The following CLIC2 variants were observed in gnomAD, a reference collection of about 807,000 sequenced individuals.
CLIC2 encodes the protein CLIC family member 2.
In CLIC2, 9 loss-of-function variants were observed where a neutral mutation model predicts 14.8. That is an observed-to-expected ratio of 0.61 (90% confidence interval 0.37 to 1.06). The LOEUF is 1.06. Among genes scored for constraint, CLIC2 ranks in the 50% least tolerant of loss-of-function variants. The probability of loss-of-function intolerance (pLI) is 0.01; values close to 1 mark genes in which losing one functional copy is unlikely to be tolerated. For synonymous variants in CLIC2, 61 were observed against 66.3 expected (o/e 0.92, Z 0.39); for missense variants, 148 against 181.4 (o/e 0.82, Z 1.06).
At chrX:155,318,700 C>A (rs2075103199) in intron 1 of CLIC2, among the ~76,000 whole-genome samples, 1 of 111,767 alleles carries the variant, frequency 8.9e-6, no homozygotes, top group African/African-American at 3.3e-5. Context: ...CTTCACGGAA[C>A]TAGAAAAACA....
chrX:155,303,211 G>A (rs1240144048), intron 1 of CLIC2, among the ~76,000 whole-genome samples: 2 of 67,294 alleles, frequency 3.0e-5, no homozygotes, highest in Admixed American at 1.9e-4. Flanking sequence ...ATGTGTGGGA[G>A]TCTAAGTCTC....
At chrX:155,324,160 T>C (rs1004996173) in intron 1 of CLIC2, among the ~76,000 whole-genome samples, 5 of 112,572 alleles carry the variant, frequency 4.4e-5, no homozygotes, top group African/African-American at 1.6e-4. Flanking sequence ...CTTCACAGAA[T>C]TGGAATATGT....
At chrX:155,312,589 G>C (rs2075078189) in intron 1 of CLIC2, among the ~76,000 whole-genome samples, 2 of 111,555 alleles carry the variant, frequency 1.8e-5, no homozygotes, top group African/African-American at 6.5e-5. Flanking sequence ...AGTTTTGAGT[G>C]AGGTAAGGTG....
rs782138263 is a variant in CLIC2, at chrX:155,320,864, C to T, written c.57+13507G>A. Among the ~76,000 whole-genome samples the T allele has an allele frequency of 3.5e-4, 39 of 111,560 alleles. No homozygotes were observed. In the South Asian group the frequency reaches 0.014, roughly 40 times the overall value. On this transcript the variant is annotated intron_variant, in intron 1 of 5. Transcript: ENST00000369449. ...CTAGAAAAACCAGTATAGAGAAGAA[C>T]ATAAGTGACCTAATGGAGCAGAAAA...
At chrX:155,311,265 A>C (rs1309311849) in intron 1 of CLIC2, among the ~76,000 whole-genome samples, 3 of 112,063 alleles carry the variant, frequency 2.7e-5, no homozygotes, top group Non-Finnish European at 5.6e-5. Flanking sequence ...TGCTTTTAAC[A>C]GTACCCAAGT....
chrX:155,305,542 G>T (rs781951817), intron 1 of CLIC2, among the ~76,000 whole-genome samples: 1 of 112,364 alleles, frequency 8.9e-6, no homozygotes, highest in Admixed American at 9.4e-5. Context: ...CTTCTGCGTC[G>T]CTCATCCTGG....
chrX:155,281,381 G>A (rs905212350), intron 3 of CLIC2, among the ~76,000 whole-genome samples: 2 of 110,398 alleles, frequency 1.8e-5, no homozygotes, highest in Admixed American at 1.9e-4. Flanking sequence ...ATAACTATAT[G>A]AAGCGATGGA....
intron 3 of CLIC2, among the ~76,000 whole-genome samples, chrX:155,294,493 G>A (rs920441556): frequency 6.3e-5 from 7 of 111,703 alleles, no homozygotes; most frequent in Admixed American, 1.9e-4. Context: ...ATGTGAAGCT[G>A]CTAGAAAAGC....
chrX:155,309,333 C>A (rs1173201791), intron 1 of CLIC2, among the ~76,000 whole-genome samples: 1 of 111,140 alleles, frequency 9.0e-6, no homozygotes, highest in Non-Finnish European at 1.9e-5. Context: ...AAATAACTCA[C>A]ACCAATTCTA....
At chrX:155,281,475 A>T (rs1338328726) in intron 3 of CLIC2, among the ~76,000 whole-genome samples, 1 of 111,008 alleles carries the variant, frequency 9.0e-6, no homozygotes, top group Non-Finnish European at 1.9e-5. Context: ...AAATATATAC[A>T]ATACAAACAA....
chrX:155,282,835 C>T (rs1403853796), intron 3 of CLIC2, among the ~76,000 whole-genome samples: 2 of 111,784 alleles, frequency 1.8e-5, no homozygotes, highest in African/African-American at 6.5e-5. Context: ...GGGTCTGTCC[C>T]AGTGCCACGT....
At chrX:155,305,160 C>T (rs1258079592) in intron 1 of CLIC2, among the ~76,000 whole-genome samples, 6 of 112,284 alleles carry the variant, frequency 5.3e-5, no homozygotes, top group Middle Eastern at 4.7e-3. Flanking sequence ...TGGGCAATGG[C>T]GGGCGCCCCT....
At position 155,331,777 on chromosome X, in the gene CLIC2, G is replaced by T. The variant is rs369226781; in HGVS notation, c.57+2594C>A. Reference sequence around the variant, plus strand: ...TCCAGACACCATACTCTTAAACACTGCCTTCTCTCATTTAATAGTTTTGTT... The same window carrying T: ...TCCAGACACCATACTCTTAAACACTTCCTTCTCTCATTTAATAGTTTTGTT... On this transcript the variant is annotated intron_variant, in intron 1 of 5. Coordinates refer to ENST00000369449, the MANE Select transcript of CLIC2 (RefSeq NM_001289.6). Among the ~76,000 whole-genome samples the T allele has an allele frequency of 1.4e-3, 153 of 110,618 alleles. No individual in the cohort carries two copies. The South Asian group carries it at 0.055, about 40-fold the overall frequency.
chrX:155,313,208 A>C (rs951110936), intron 1 of CLIC2, among the ~76,000 whole-genome samples: 5 of 109,016 alleles, frequency 4.6e-5, no homozygotes, highest in Admixed American at 9.8e-5. Context: ...AAAAAAAAAA[A>C]AAAAAAACAA....
rs1463725482 is a variant in CLIC2 at position 155,290,884 on chromosome X, G to A, written c.293+7901C>T. On this transcript the variant is annotated intron_variant, in intron 3 of 5. Coordinates refer to ENST00000369449, the MANE Select transcript of CLIC2 (RefSeq NM_001289.6). ...TTTGATGCTTAGCGTCCACACCCACGTCAGTCTGTACCTCATTGATTTTAA... is the reference window on the plus strand; with the variant it reads ...TTTGATGCTTAGCGTCCACACCCACATCAGTCTGTACCTCATTGATTTTAA... The A allele has an allele frequency of 3.0e-5, 20 of 667,191 alleles. No individual in the cohort carries two copies. The South Asian group carries it at 3.0e-4, about 10-fold the overall frequency. 55.0% of individuals were successfully genotyped at this position (667,191 alleles called of 1,213,427 possible).
chrX:155,283,493 A>G (rs1324166124), intron 3 of CLIC2, among the ~76,000 whole-genome samples: 1 of 111,371 alleles, frequency 9.0e-6, no homozygotes, highest in Non-Finnish European at 1.9e-5. Flanking sequence ...GGTTTGTCAC[A>G]TATGCATACA....
chrX:155,308,146 G>A (rs1335448210), intron 1 of CLIC2, among the ~76,000 whole-genome samples: 5 of 109,676 alleles, frequency 4.6e-5, no homozygotes, highest in Non-Finnish European at 7.6e-5. Context: ...TAACTGTTTT[G>A]AGGAAACTAA....
chrX:155,313,406 T>C (rs1159304047), intron 1 of CLIC2, among the ~76,000 whole-genome samples: 1 of 111,744 alleles, frequency 8.9e-6, no homozygotes, highest in African/African-American at 3.3e-5. Flanking sequence ...ATCATAAAGA[T>C]GCATGCACAC....
At chrX:155,315,258 A>G (rs2075090996) in intron 1 of CLIC2, among the ~76,000 whole-genome samples, 1 of 112,207 alleles carries the variant, frequency 8.9e-6, no homozygotes, top group Non-Finnish European at 1.9e-5. Context: ...AGCTCAAAGA[A>G]CACCTGGAAA....
Sources: allele counts gnomAD v4.1 joint callset (sites outside exome capture counted in the v4.1 genomes callset), GRCh38; gene constraint gnomAD v4.1.1; transcripts MANE v1.5; gene names NCBI Gene and HGNC (gene_info 2026-07-23, HGNC 2026-07-21).